The following RFXAP variants were observed in gnomAD, a reference collection of about 807,000 sequenced individuals.
RFXAP encodes regulatory factor X-associated protein.
In RFXAP, 21 loss-of-function variants were observed where a neutral mutation model predicts 25.7. The ratio of observed to expected loss-of-function variants is 0.82; its 90% CI spans 0.58 to 1.18. The LOEUF (loss-of-function observed/expected upper bound fraction) is 1.18. Ranked by LOEUF, RFXAP falls within the 50% of genes most tolerant of loss-of-function variation. RFXAP has a pLI of 0.00. For missense variants in RFXAP, 333 were observed against 363.0 expected, an observed-to-expected ratio of 0.92 and a Z score of 0.67; for synonymous variants, 161 against 152.2, an observed-to-expected ratio of 1.06 and a Z score of -0.43.
Position 36,819,334 on chromosome 13 carries a change from G to C in RFXAP, c.-24G>C. On this transcript the variant is annotated 5_prime_UTR_variant, in exon 1 of 3. Transcript: ENST00000255476. The stretch of plus-strand genomic sequence containing the variant: ...GCAGGTGCTAAAAGCCCGGGGTCGT[G>C]GACCCCGGCCAGGTCTTAGCAGCAT... 8.0e-7 allele frequency: 1 copy of C among 1,252,340 alleles called. No homozygotes were observed. The allele number at this position is 1,252,340 out of a possible 1,614,324, so 77.6% of individuals were successfully genotyped here.
At position 36,819,471 on chromosome 13, in the gene RFXAP, G is replaced by T; in HGVS notation, c.114G>T (p.Ala38=). Residue 38 remains alanine (A), a synonymous_variant, in exon 1 of 3, where the codon GCG becomes GCT. Transcript: ENST00000255476. ...CCACCTTGGCGCCAGCCTCGGTGGC[G>T]GCCGCGGCCTCTCAATTCACCCTGC... The part of the protein sequence containing the change: ...AAPTLAPASV[A]AAASQFTLLV... 6 of 1,512,004 alleles carry T rather than the reference G, an allele frequency of 4.0e-6. No individual in the cohort carries two copies. The highest frequency in any genetic ancestry group is 5.3e-6 in the Non-Finnish European group (6 of 1,129,404). 93.7% of individuals were successfully genotyped at this position (1,512,004 alleles called of 1,614,324 possible).
intron 1 of RFXAP, among the ~76,000 whole-genome samples, chr13:36,823,381 G>C (rs1265914238): frequency 1.3e-5 from 2 of 149,846 alleles, no homozygotes; most frequent in Admixed American, 6.6e-5. Flanking sequence ...AAATTCATGA[G>C]AGAGAAATTT....
chr13:36,826,165 A>G (rs1368947875), intron 2 of RFXAP, among the ~76,000 whole-genome samples: 9 of 152,184 alleles, frequency 5.9e-5, no homozygotes, highest in African/African-American at 2.2e-4. Context: ...AGAGCACCCT[A>G]TAAATCATTA....
chr13:36,822,372 C>T (rs545322800), intron 1 of RFXAP, among the ~76,000 whole-genome samples: 1 of 152,160 alleles, frequency 6.6e-6, no homozygotes, highest in Non-Finnish European at 1.5e-5. Flanking sequence ...AGACCCACCA[C>T]GCCGGCCTAA....
intron 1 of RFXAP, among the ~76,000 whole-genome samples, chr13:36,820,980 A>C (rs1381861190): frequency 6.6e-6 from 1 of 152,188 alleles, no homozygotes. Context: ...TGAGGCTGTC[A>C]CAAATAAGCA....
chr13:36,826,242 G>T (rs1165350082), intron 2 of RFXAP, among the ~76,000 whole-genome samples: 3 of 151,970 alleles, frequency 2.0e-5, no homozygotes, highest in African/African-American at 7.3e-5. Context: ...AGTCTTAACT[G>T]CAAAGAAAGT....
intron 1 of RFXAP, among the ~76,000 whole-genome samples, chr13:36,821,943 A>G (rs1415206235): frequency 6.6e-6 from 1 of 152,196 alleles, no homozygotes; most frequent in Admixed American, 6.5e-5. Context: ...TGTTTTACCA[A>G]ATCTCTGATT....
rs1219578857 is a variant in RFXAP at position 36,819,792 on chromosome 13, C to CT, written c.436dup (p.Cys146LeufsTer30). On this transcript the variant is annotated frameshift_variant, in exon 1 of 3. Transcript: ENST00000255476. LOFTEE classifies it high-confidence loss of function. Reference sequence around the variant, plus strand: ...TGAGCAAGACCTGCACCTACGAAGGCTGCAGCGAGACCACGAGCCAGGTGG... The same window carrying CT: ...TGAGCAAGACCTGCACCTACGAAGGCTTGCAGCGAGACCACGAGCCAGGTGG... 6.3e-7 allele frequency: 1 copy of CT among 1,581,426 alleles called. No individual in the cohort carries two copies. The highest frequency in any genetic ancestry group is 1.2e-5 in the South Asian group (1 of 86,896).
intron 2 of RFXAP, 91 bp downstream of exon 2, chr13:36,825,626 G>C (rs1593532210): frequency 3.5e-6 from 3 of 847,354 alleles, no homozygotes; most frequent in Non-Finnish European, 5.8e-6. Flanking sequence ...TTTAGCTCAT[G>C]ACATCACACT....
intron 1 of RFXAP, 81 bp from the exon 2 acceptor site, chr13:36,825,347 T>C (rs1468334363): frequency 1.9e-6 from 2 of 1,061,940 alleles, no homozygotes; most frequent in Admixed American, 3.5e-5. Context: ...AAAGACCTGT[T>C]CATTACATCT....
chr13:36,820,037 T>G (rs115423695), intron 1 of RFXAP, 80 bp downstream of exon 1: 2 of 1,561,974 alleles, frequency 1.3e-6, no homozygotes, highest in African/African-American at 1.4e-5. Context: ...CTGCAGGGCC[T>G]GCCTCCCCAC....
chr13:36,827,623 T>A lies in RFXAP; in HGVS notation c.709-20T>A. 6.4e-7 allele frequency: 1 copy of A among 1,554,544 alleles called. No homozygotes were observed. The highest frequency in any genetic ancestry group is 8.9e-7 in the Non-Finnish European group (1 of 1,126,948). ...GACATAGATTAATGCTATTAATAAT[T>A]TTTTTCTTTTCTTTCTAAGTCGTTA... On this transcript the variant is annotated intron_variant, in intron 2 of 2. Coordinates refer to ENST00000255476, the MANE Select transcript of RFXAP (RefSeq NM_000538.4).
At chr13:36,825,681 A>G (rs554104853) in intron 2 of RFXAP, 146 bp downstream of exon 2, 1 of 549,858 alleles carries the variant, frequency 1.8e-6, no homozygotes, top group East Asian at 3.2e-5. Flanking sequence ...TTAAAAAAAG[A>G]ATCGGAACTT....
chr13:36,821,025 A>C (rs1356302140), intron 1 of RFXAP, among the ~76,000 whole-genome samples: 1 of 152,052 alleles, frequency 6.6e-6, no homozygotes, highest in Non-Finnish European at 1.5e-5. Flanking sequence ...ATAATCCCTT[A>C]GTGTAGAGAA....
chr13:36,820,099 GT>G, intron 1 of RFXAP, 142 bp downstream of exon 1: 1 of 1,254,682 alleles, frequency 8.0e-7, no homozygotes, highest in Non-Finnish European at 1.1e-6. Flanking sequence ...GAATTAGAGT[GT>G]TTGCCCTAAA....
chr13:36,827,631 T>C lies in RFXAP; in HGVS notation c.709-12T>C. ...TTAATGCTATTAATAATTTTTTTCTTTTCTTTCTAAGTCGTTACTAAGAAG... is the reference window on the plus strand; with the variant it reads ...TTAATGCTATTAATAATTTTTTTCTCTTCTTTCTAAGTCGTTACTAAGAAG... On this transcript the variant is annotated splice_polypyrimidine_tract_variant and intron_variant, in intron 2 of 2. Coordinates refer to ENST00000255476, the MANE Select transcript of RFXAP (RefSeq NM_000538.4). The C allele has an allele frequency of 6.2e-7, 1 of 1,602,958 alleles. No individual in the cohort carries two copies. The highest frequency in any genetic ancestry group is 8.5e-7 in the Non-Finnish European group (1 of 1,170,356).
intron 1 of RFXAP, among the ~76,000 whole-genome samples, chr13:36,821,214 TAAAAAAAAAAA>T (rs10573140): frequency 4.5e-4 from 47 of 104,846 alleles, no homozygotes; most frequent in African/African-American, 1.4e-3. Flanking sequence ...CCTGTCTCCT[TAAAAAAAAAAA>T]AAAAAAAAAA....
At chr13:36,826,503 A>C (rs1276661314) in intron 2 of RFXAP, among the ~76,000 whole-genome samples, 1 of 152,234 alleles carries the variant, frequency 6.6e-6, no homozygotes, top group East Asian at 1.9e-4. Context: ...ACTTTCAGAA[A>C]GCAGTTGGGC....
chr13:36,827,919 A>C lies in RFXAP; in HGVS notation c.*166A>C, dbSNP rs918504058. ...GATAAGTAAGTATTGCACTTTGTGC[A>C]TCTAATCTTTCAGATTACTGTGAGT... On this transcript the variant is annotated 3_prime_UTR_variant, in exon 3 of 3. Coordinates refer to ENST00000255476, the MANE Select transcript of RFXAP (RefSeq NM_000538.4). 2 of 598,878 alleles carry C rather than the reference A, an allele frequency of 3.3e-6. No homozygotes were observed. The highest frequency in any genetic ancestry group is 3.7e-5 in the African/African-American group (2 of 53,438). The allele number at this position is 598,878 out of a possible 1,614,324, so 37.1% of individuals were successfully genotyped here. A position where few individuals can be genotyped will look rare whatever the true frequency, so the allele number is the denominator to read the frequency against.
Sources: gnomAD v4.1 joint callset for allele counts (sites outside exome capture counted in the v4.1 genomes callset) on GRCh38, gnomAD v4.1.1 for gene constraint, MANE v1.5 for transcripts, NCBI Gene and HGNC (gene_info 2026-07-23, HGNC 2026-07-21) for gene names.